The following ASTN2 variants were observed in gnomAD, a reference collection of about 807,000 sequenced individuals.
The protein encoded by ASTN2 is astrotactin-2.
A neutral mutation model predicts 139.8 loss-of-function variants in ASTN2; 54 were observed. That is an observed-to-expected ratio of 0.39 (90% CI 0.31 to 0.48). The LOEUF (loss-of-function observed/expected upper bound fraction) is 0.48, where lower values mean the gene tolerates loss of function less well. ASTN2 is among the 20% of genes least tolerant of loss of function. The pLI, the probability that ASTN2 is intolerant of heterozygous loss-of-function variation, is 0.95. For missense variants in ASTN2, 1,565 were observed against 1,725.1 expected, an observed-to-expected ratio of 0.91 and a Z score of 1.64; for synonymous variants, 756 against 719.5, an observed-to-expected ratio of 1.05 and a Z score of -0.81.
In ASTN2 at chr9:116,865,725, G is replaced by T. The variant is rs574124139; in HGVS notation, c.1890-1992C>A. Among the ~76,000 whole-genome samples, 4 of 152,274 alleles carry T rather than the reference G, an allele frequency of 2.6e-5. No homozygotes were observed. The South Asian group carries it at 8.3e-4, about 32-fold the overall frequency. On this transcript the variant is annotated intron_variant, in intron 10 of 22. Coordinates refer to ENST00000313400, the MANE Select transcript of ASTN2 (RefSeq NM_001365068.1). Reference sequence around the variant, plus strand: ...GACAGCCACAGCTGGTGGGTGGGTGGGCTGGCCCTGAAGAGGGGATCTGTG... The same window carrying T: ...GACAGCCACAGCTGGTGGGTGGGTGTGCTGGCCCTGAAGAGGGGATCTGTG...
At chr9:116,923,887 A>C (rs1173835628) in intron 10 of ASTN2, among the ~76,000 whole-genome samples, 1 of 152,160 alleles carries the variant, frequency 6.6e-6, no homozygotes, top group Non-Finnish European at 1.5e-5. Flanking sequence ...TACTAAGAGA[A>C]GGCACTTGCT....
chr9:116,809,732 A>G (rs183278713), intron 12 of ASTN2, among the ~76,000 whole-genome samples: 1 of 152,246 alleles, frequency 6.6e-6, no homozygotes, highest in Admixed American at 6.5e-5. Flanking sequence ...ACGTTTTGCG[A>G]GTTAACTCTG....
intron 3 of ASTN2, among the ~76,000 whole-genome samples, chr9:117,211,068 C>A (rs1050632476): frequency 6.7e-6 from 1 of 150,142 alleles, no homozygotes; most frequent in Non-Finnish European, 1.5e-5. Context: ...AATACCTCAA[C>A]ATAATAAAGG....
intron 19 of ASTN2, among the ~76,000 whole-genome samples, chr9:116,566,474 T>G (rs1458132504): frequency 2.6e-5 from 4 of 152,158 alleles, no homozygotes; most frequent in Non-Finnish European, 4.4e-5. Flanking sequence ...GTCCAGAACT[T>G]TATTAATGGA....
intron 1 of ASTN2, among the ~76,000 whole-genome samples, chr9:117,343,091 G>C (rs974263042): frequency 3.9e-5 from 6 of 152,180 alleles, no homozygotes; most frequent in African/African-American, 1.4e-4. Flanking sequence ...TCTAACATCA[G>C]TTTAACTGGC....
intron 10 of ASTN2, among the ~76,000 whole-genome samples, chr9:116,941,886 GC>G (rs1315558103): frequency 1.3e-5 from 2 of 151,562 alleles, no homozygotes; most frequent in East Asian, 3.9e-4. Context: ...AAGCAAGATA[GC>G]CAGACGACAT....
At position 116,805,721 on chromosome 9, in the gene ASTN2, G is replaced by A. The variant is rs1428077433; in HGVS notation, c.2307C>T (p.Phe769=). The change falls in exon 13 of 23, where the codon TTC becomes TTT. Residue 769 remains phenylalanine, a synonymous_variant. Coordinates refer to ENST00000313400, the MANE Select transcript of ASTN2 (RefSeq NM_001365068.1). The part of the protein sequence containing the change: ...GPKCLKPDSK[F]NDTLFGEMLH... ...GCATCTCTCCAAAGAGGGTATCATTGAATTTGGAGTCAGGTTTGAGGCACT... is the reference window on the plus strand; with the variant it reads ...GCATCTCTCCAAAGAGGGTATCATTAAATTTGGAGTCAGGTTTGAGGCACT... 8.1e-6 allele frequency: 13 copies of A among 1,613,854 alleles called. No individual in the cohort carries two copies. Among genetic ancestry groups the A allele is most frequent in the African/African-American group, 1.3e-5 (1 of 74,914 alleles).
At position 117,326,583 on chromosome 9, in the gene ASTN2, C is replaced by A. The variant is rs76337617; in HGVS notation, c.443-35070G>T. ...AGAAGAATGTACAAAAGGCTTAATA[C>A]ACAAGGGACTAAACCATTTCTTGCT... On this transcript the variant is annotated intron_variant, in intron 1 of 22. Coordinates refer to ENST00000313400, the MANE Select transcript of ASTN2 (RefSeq NM_001365068.1). Among the ~76,000 whole-genome samples the A allele has an allele frequency of 9.6e-3, 1,461 of 152,288 alleles. 25 individuals are homozygous for A. Among genetic ancestry groups the A allele is most frequent in the African/African-American group, 0.033 (1,389 of 41,570 alleles).
At chr9:117,063,742 T>C (rs1180103155) in intron 5 of ASTN2, among the ~76,000 whole-genome samples, 1 of 152,136 alleles carries the variant, frequency 6.6e-6, no homozygotes, top group Non-Finnish European at 1.5e-5. Context: ...TATGTTTGCT[T>C]TTATAAGAAA....
intron 6 of ASTN2, among the ~76,000 whole-genome samples, chr9:117,017,853 T>C (rs926156609): frequency 1.3e-5 from 2 of 151,944 alleles, no homozygotes; most frequent in African/African-American, 2.4e-5. Flanking sequence ...TACATACACA[T>C]AAGCACAGAT....
Position 116,827,265 on chromosome 9 carries a change from C to T in ASTN2, c.2041-6482G>A, listed in dbSNP as rs577737357. Among the ~76,000 whole-genome samples, 23 of 144,232 alleles carry T rather than the reference C, an allele frequency of 1.6e-4. No homozygotes were observed. In the South Asian group the frequency reaches 2.2e-3, roughly 14 times the overall value. The allele number at this position is 144,232 out of a possible 152,430, so 94.6% of individuals were successfully genotyped here. On this transcript the variant is annotated intron_variant, in intron 11 of 22. Transcript: ENST00000313400. ...CGGAGGTTGCAATGAGCCAGGATTG[C>T]GCCACTGCACTCCAGCCTGGGCAAC...
At chr9:117,407,422 GTTGTAA>G (rs1410627111) in intron 1 of ASTN2, among the ~76,000 whole-genome samples, 3 of 152,184 alleles carry the variant, frequency 2.0e-5, no homozygotes, top group Non-Finnish European at 4.4e-5. Context: ...TGCGTTGACT[GTTGTAA>G]TTGTAGTAGA....
chr9:117,232,462 C>T (rs1209899993), intron 2 of ASTN2, among the ~76,000 whole-genome samples: 1 of 152,186 alleles, frequency 6.6e-6, no homozygotes, highest in Admixed American at 6.5e-5. Context: ...TTCTGCTCTG[C>T]CCTGCCACCC....
intron 13 of ASTN2, among the ~76,000 whole-genome samples, chr9:116,783,296 TCCTCCCTCCCTCCCTC>T (rs940082278): frequency 4.8e-5 from 1 of 20,722 alleles, no homozygotes; most frequent in South Asian, 1.6e-3. Context: ...CTTCCTTCCT[TCCTCCCTCCCTCCCTC>T]CCTCTCTCCC....
At chr9:116,523,087 A>C (rs1445755701) in intron 19 of ASTN2, among the ~76,000 whole-genome samples, 1 of 152,146 alleles carries the variant, frequency 6.6e-6, no homozygotes, top group Admixed American at 6.6e-5. Context: ...AACAACTATT[A>C]TAATGTTGTA....
At chr9:116,803,675 C>T (rs1353638165) in intron 13 of ASTN2, among the ~76,000 whole-genome samples, 1 of 150,854 alleles carries the variant, frequency 6.6e-6, no homozygotes, top group Non-Finnish European at 1.5e-5. Context: ...CAGGCGCCTG[C>T]CACTACGCCT....
intron 5 of ASTN2, among the ~76,000 whole-genome samples, chr9:117,093,800 TAAC>T (rs1485885235): frequency 1.3e-5 from 2 of 152,126 alleles, no homozygotes; most frequent in Non-Finnish European, 2.9e-5. Flanking sequence ...AACAACAACC[TAAC>T]AACATCAAAC....
chr9:117,200,817 A>C (rs891955171), intron 3 of ASTN2, among the ~76,000 whole-genome samples: 3 of 152,098 alleles, frequency 2.0e-5, no homozygotes, highest in Admixed American at 2.0e-4. Context: ...ATTGGCCTGA[A>C]GTTTTCTTTC....
At chr9:117,354,317 C>T (rs941877120) in intron 1 of ASTN2, among the ~76,000 whole-genome samples, 3 of 151,648 alleles carry the variant, frequency 2.0e-5, no homozygotes, top group African/African-American at 7.3e-5. Flanking sequence ...CCTCCTGTCT[C>T]TTTTCTCATT....
Sources: gnomAD v4.1 joint callset for allele counts (sites outside exome capture counted in the v4.1 genomes callset) on GRCh38, gnomAD v4.1.1 for gene constraint, MANE v1.5 for transcripts, NCBI Gene and HGNC (gene_info 2026-07-23, HGNC 2026-07-21) for gene names.